RELN: variants seen among roughly 807,000 people sequenced by gnomAD.
RELN encodes the protein reelin.
Under a neutral mutation model 427.6 loss-of-function variants are expected in RELN, and 108 were observed. The observed-to-expected ratio is 0.25, with a 90% CI of 0.22 to 0.30. RELN has a LOEUF of 0.30. RELN is among the 10% of genes least tolerant of loss of function. The probability of loss-of-function intolerance (pLI) is 1.00; values close to 1 mark genes in which losing one functional copy is unlikely to be tolerated. For synonymous variants in RELN, 1,524 were observed against 1,513.4 expected (o/e 1.01, Z -0.16); for missense variants, 3,715 against 4,302.8 (o/e 0.86, Z 3.82).
chr7:103,539,392 T>C, intron 44 of RELN, 65 bp from the exon 45 acceptor site: 1 of 1,533,224 alleles, frequency 6.5e-7, no homozygotes, highest in Non-Finnish European at 8.9e-7. Context: ...AAGTTCTGCC[T>C]TTTTCGTTTG....
At chr7:103,675,810 G>A (rs1018810681) in intron 11 of RELN, among the ~76,000 whole-genome samples, 8 of 152,138 alleles carry the variant, frequency 5.3e-5, no homozygotes, top group Non-Finnish European at 7.3e-5. Context: ...TTTAATAAAC[G>A]GTGCTGGGAA....
intron 28 of RELN, among the ~76,000 whole-genome samples, chr7:103,583,009 G>A (rs1293566185): frequency 6.6e-6 from 1 of 152,124 alleles, no homozygotes; most frequent in African/African-American, 2.4e-5. Flanking sequence ...ATGGCAAAGT[G>A]TACATGGGCT....
intron 1 of RELN, among the ~76,000 whole-genome samples, chr7:103,976,344 G>A (rs974972135): frequency 6.6e-6 from 1 of 152,062 alleles, no homozygotes; most frequent in Non-Finnish European, 1.5e-5. Flanking sequence ...GCATCGTCTT[G>A]GCTTTTAGCA....
intron 4 of RELN, among the ~76,000 whole-genome samples, chr7:103,774,909 A>G (rs1791700279): frequency 6.6e-6 from 1 of 152,154 alleles, no homozygotes; most frequent in South Asian, 2.1e-4. Flanking sequence ...CACTGTGTAA[A>G]TCATGCTTAT....
chr7:103,835,357 A>G (rs921973023), intron 2 of RELN, among the ~76,000 whole-genome samples: 2 of 152,202 alleles, frequency 1.3e-5, no homozygotes, highest in Non-Finnish European at 2.9e-5. Flanking sequence ...TCTGTATGAT[A>G]CCGTATGGTG....
Position 103,808,893 on chromosome 7 carries a change from A to G in RELN, c.473+24644T>C, listed in dbSNP as rs1166518440. On this transcript the variant is annotated intron_variant, in intron 3 of 64. Transcript: ENST00000428762. ...AACGGGGTTAATCCTCAATGACATA[A>G]AGCAATAAAATTTCCTGGTCCTCAA... 3.3e-5 allele frequency among the ~76,000 whole-genome samples: 5 copies of G among 152,286 alleles called. No individual in the cohort carries two copies. The South Asian group carries it at 8.3e-4, about 25-fold the overall frequency.
chr7:103,716,069 C>A (rs1394006875), intron 8 of RELN, among the ~76,000 whole-genome samples: 1 of 152,160 alleles, frequency 6.6e-6, no homozygotes, highest in Non-Finnish European at 1.5e-5. Flanking sequence ...TGACCTTGGT[C>A]CCCAGTTCTT....
intron 60 of RELN, among the ~76,000 whole-genome samples, chr7:103,487,237 T>C (rs929156861): frequency 1.3e-5 from 2 of 151,852 alleles, no homozygotes; most frequent in African/African-American, 4.8e-5. Context: ...CAGGGGAACA[T>C]CACACACTGG....
At position 103,772,648 on chromosome 7, in the gene RELN, C is replaced by T. The variant is rs949205244; in HGVS notation, c.544+3909G>A. Among the ~76,000 whole-genome samples, 9 of 152,074 alleles carry T rather than the reference C, an allele frequency of 5.9e-5. No homozygotes were observed. In the South Asian group the frequency reaches 6.2e-4, roughly 11 times the overall value. On this transcript the variant is annotated intron_variant, in intron 4 of 64. Transcript: ENST00000428762. ...ATACCCTAAGCAGGGTCTGACAGCC[C>T]GAGTTAGACAGAACAAAAGGATGTA...
chr7:103,895,367 C>T (rs1481564835), intron 2 of RELN, among the ~76,000 whole-genome samples: 1 of 151,964 alleles, frequency 6.6e-6, no homozygotes, highest in Non-Finnish European at 1.5e-5. Context: ...TTAAAATTTC[C>T]CCAACTGCTC....
chr7:103,967,469 T>C (rs1206147851), intron 1 of RELN, among the ~76,000 whole-genome samples: 1 of 152,178 alleles, frequency 6.6e-6, no homozygotes, highest in African/African-American at 2.4e-5. Flanking sequence ...AACCTACCAG[T>C]CATCCCCAGA....
chr7:103,677,729 G>A (rs909522159), intron 11 of RELN, among the ~76,000 whole-genome samples: 2 of 124,382 alleles, frequency 1.6e-5, no homozygotes, highest in Non-Finnish European at 3.1e-5. Flanking sequence ...TAGCACCACT[G>A]CACTCCAGCC....
chr7:103,742,114 T>C (rs1341839862), intron 6 of RELN, among the ~76,000 whole-genome samples: 1 of 152,152 alleles, frequency 6.6e-6, no homozygotes, highest in Admixed American at 6.5e-5. Flanking sequence ...TCACCAATAT[T>C]TGCTGTTCTG....
intron 1 of RELN, among the ~76,000 whole-genome samples, chr7:103,984,215 T>TA (rs1280578083): frequency 6.6e-6 from 1 of 151,790 alleles, no homozygotes; most frequent in Non-Finnish European, 1.5e-5. Context: ...AACTAATCCA[T>TA]AAAAATTTGA....
At chr7:103,507,767 CA>C (rs1829264677) in intron 51 of RELN, among the ~76,000 whole-genome samples, 2 of 151,798 alleles carry the variant, frequency 1.3e-5, no homozygotes, top group Admixed American at 6.6e-5. Flanking sequence ...AAAAGATCAA[CA>C]AAAGAGATGG....
chr7:103,520,322 C>T (rs967431306), intron 48 of RELN, among the ~76,000 whole-genome samples: 1 of 152,162 alleles, frequency 6.6e-6, no homozygotes, highest in East Asian at 1.9e-4. Flanking sequence ...GACAGTCTGG[C>T]TGGAGTGCAG....
intron 2 of RELN, among the ~76,000 whole-genome samples, chr7:103,897,358 G>C (rs1009076095): frequency 3.3e-5 from 5 of 152,044 alleles, no homozygotes; most frequent in Admixed American, 1.3e-4. Context: ...GGTGACATCA[G>C]CTTTGGACAC....
chr7:103,529,910 A>G (rs1000408656), intron 46 of RELN, among the ~76,000 whole-genome samples: 9 of 152,036 alleles, frequency 5.9e-5, no homozygotes, highest in African/African-American at 9.7e-5. Context: ...CCTGCTTGTT[A>G]ATCTCCTCTC....
chr7:103,879,470 C>T (rs187935261), intron 2 of RELN, among the ~76,000 whole-genome samples: 140 of 152,276 alleles, frequency 9.2e-4, no homozygotes, highest in African/African-American at 3.2e-3. Context: ...GGGAACCAAA[C>T]CACACTTTCA....
Sources: allele counts gnomAD v4.1 joint callset (sites outside exome capture counted in the v4.1 genomes callset), GRCh38; gene constraint gnomAD v4.1.1; transcripts MANE v1.5; gene names NCBI Gene and HGNC (gene_info 2026-07-23, HGNC 2026-07-21).